The following DDX10 variants were observed in gnomAD, a reference collection of about 807,000 sequenced individuals.
The protein encoded by DDX10 is DEAD-box helicase 10.
In DDX10, 74 loss-of-function variants were observed where a neutral mutation model predicts 104.3. That is an observed-to-expected ratio of 0.71 (90% confidence interval 0.59 to 0.86). The LOEUF (loss-of-function observed/expected upper bound fraction) is 0.86. Among genes scored for constraint, DDX10 ranks in the 40% least tolerant of loss-of-function variants. DDX10 has a pLI of 0.00. For synonymous variants in DDX10, 351 were observed against 353.4 expected, an observed-to-expected ratio of 0.99 and a Z score of 0.08; for missense variants, 952 against 1,040.0, an observed-to-expected ratio of 0.92 and a Z score of 1.16.
At chr11:108,934,597 A>G (rs1864013811) in intron 17 of DDX10, among the ~76,000 whole-genome samples, 2 of 152,204 alleles carry the variant, frequency 1.3e-5, no homozygotes, top group African/African-American at 2.4e-5. Flanking sequence ...GAAACTGGGA[A>G]GGTACAATCA....
At chr11:108,915,393 T>C (rs1565317598) in intron 16 of DDX10, among the ~76,000 whole-genome samples, 1 of 152,088 alleles carries the variant, frequency 6.6e-6, no homozygotes, top group Non-Finnish European at 1.5e-5. Flanking sequence ...CTTTGGAAAA[T>C]TTGTAACCAC....
intron 16 of DDX10, among the ~76,000 whole-genome samples, chr11:108,852,559 A>G (rs1357570477): frequency 6.6e-6 from 1 of 152,206 alleles, no homozygotes; most frequent in Non-Finnish European, 1.5e-5. Context: ...TAGGATTTTC[A>G]TCTGTATCAT....
chr11:108,764,116 T>C (rs1030005328), intron 13 of DDX10, among the ~76,000 whole-genome samples: 15 of 152,202 alleles, frequency 9.9e-5, no homozygotes, highest in African/African-American at 3.6e-4. Context: ...GTATATATTG[T>C]GTTAGATAGC....
rs372328359 is a variant in DDX10 at position 108,678,202 on chromosome 11, A to T, written c.538-113A>T. 2.9e-6 allele frequency: 3 copies of T among 1,039,550 alleles called. No homozygotes were observed. The African/African-American group carries it at 4.9e-5, about 17-fold the overall frequency. The allele number at this position is 1,039,550 out of a possible 1,614,324, so 64.4% of individuals were successfully genotyped here. ...AAGGGAAAAGTTATGTTTATTTCCA[A>T]GAGTATCTAAAATGTTGTGATGAAA... On this transcript the variant is annotated intron_variant, in intron 4 of 17. Coordinates refer to ENST00000322536, the MANE Select transcript of DDX10 (RefSeq NM_004398.4).
At position 108,679,544 on chromosome 11, in the gene DDX10, G is replaced by A; in HGVS notation, c.832G>A (p.Glu278Lys). 1.2e-6 allele frequency: 2 copies of A among 1,600,906 alleles called. No homozygotes were observed. The highest frequency in any genetic ancestry group is 1.8e-5 in the Admixed American group (1 of 55,802). Residue 278 changes from glutamate (E) to lysine (K), a missense_variant, in exon 6 of 18, where the codon GAA becomes AAA. By Grantham distance (56) the Glu-to-Lys change is moderately conservative. Transcript: ENST00000322536. ...LKNPEYVWVH[E>K]KAKYSTPATL... Reference sequence around the variant, plus strand: ...AAACCCTGAGTATGTCTGGGTTCATGAAAAAGCAAAATATAGGTATGTACT... The same window carrying A: ...AAACCCTGAGTATGTCTGGGTTCATAAAAAAGCAAAATATAGGTATGTACT...
intron 17 of DDX10, 90 bp downstream of exon 17, chr11:108,918,108 T>A: frequency 7.6e-7 from 1 of 1,315,742 alleles, no homozygotes; most frequent in Non-Finnish European, 1.1e-6. Flanking sequence ...AGAGTTCTAC[T>A]CCAAGAGATG....
At chr11:108,790,404 T>C (rs1229238741) in intron 13 of DDX10, among the ~76,000 whole-genome samples, 3 of 152,234 alleles carry the variant, frequency 2.0e-5, no homozygotes, top group Non-Finnish European at 4.4e-5. Flanking sequence ...TATGTGCAGA[T>C]AAATAACAAT....
chr11:108,903,860 T>C (rs1387741974), intron 16 of DDX10, among the ~76,000 whole-genome samples: 1 of 152,166 alleles, frequency 6.6e-6, no homozygotes, highest in African/African-American at 2.4e-5. Flanking sequence ...TTTCTGACTG[T>C]TATAAATAAT....
chr11:108,705,195 CTT>C (rs1319392724), intron 9 of DDX10, among the ~76,000 whole-genome samples: 2 of 152,152 alleles, frequency 1.3e-5, no homozygotes, highest in Non-Finnish European at 2.9e-5. Context: ...CTTATTCACT[CTT>C]TAATACATTT....
intron 13 of DDX10, among the ~76,000 whole-genome samples, chr11:108,808,130 A>G (rs995512569): frequency 1.3e-5 from 2 of 152,182 alleles, no homozygotes; most frequent in African/African-American, 2.4e-5. Context: ...GGAGAAAACT[A>G]TTTTTACAAA....
At chr11:108,817,322 A>G (rs138036574) in intron 13 of DDX10, among the ~76,000 whole-genome samples, 1 of 152,102 alleles carries the variant, frequency 6.6e-6, no homozygotes, top group East Asian at 1.9e-4. Flanking sequence ...AGTCATCCTG[A>G]ATTTTTTGTT....
At chr11:108,695,811 C>G (rs930800305) in intron 9 of DDX10, among the ~76,000 whole-genome samples, 7 of 147,254 alleles carry the variant, frequency 4.8e-5, no homozygotes, top group African/African-American at 1.8e-4. Flanking sequence ...TGTGGGCCAT[C>G]TTTAAACGTG....
intron 13 of DDX10, among the ~76,000 whole-genome samples, chr11:108,784,054 T>G (rs1861749154): frequency 6.6e-6 from 1 of 152,214 alleles, no homozygotes; most frequent in Non-Finnish European, 1.5e-5. Flanking sequence ...AGTTCATCAT[T>G]GAAGGGCACC....
At chr11:108,798,745 G>A (rs1861979855) in intron 13 of DDX10, among the ~76,000 whole-genome samples, 1 of 152,142 alleles carries the variant, frequency 6.6e-6, no homozygotes, top group Non-Finnish European at 1.5e-5. Context: ...ATTACTACAG[G>A]TTGCAGGGTG....
Position 108,716,048 on chromosome 11 carries a change from G to A in DDX10, c.1410+82G>A, listed in dbSNP as rs576928760. ...ATTTTCTGCTACTTCTAGGTTGCAT[G>A]TTTATGCTTCAGATATTCAAGCAGT... On this transcript the variant is annotated intron_variant, in intron 11 of 17. Transcript: ENST00000322536. 6.5e-5 allele frequency: 51 copies of A among 783,754 alleles called. No individual in the cohort carries two copies. In the South Asian group the frequency reaches 7.0e-4, roughly 11 times the overall value. The allele number at this position is 783,754 out of a possible 1,614,324, so 48.5% of individuals were successfully genotyped here.
At chr11:108,899,137 A>G (rs181222746) in intron 16 of DDX10, among the ~76,000 whole-genome samples, 18 of 151,964 alleles carry the variant, frequency 1.2e-4, no homozygotes, top group Non-Finnish European at 2.2e-4. Context: ...TCACTTTTCA[A>G]CTGCCTGTAG....
intron 7 of DDX10, chr11:108,690,640 T>C (rs1211176098): frequency 6.4e-6 from 1 of 156,766 alleles, no homozygotes; most frequent in Non-Finnish European, 1.4e-5. Context: ...GCAACATGCC[T>C]TGAATCCAGT....
intron 6 of DDX10, among the ~76,000 whole-genome samples, chr11:108,684,428 C>T (rs1356874788): frequency 7.1e-6 from 1 of 139,960 alleles, no homozygotes; most frequent in African/African-American, 2.6e-5. Flanking sequence ...TCAATTCCCA[C>T]CTATGAGTGA....
At chr11:108,909,915 C>G (rs988957881) in intron 16 of DDX10, among the ~76,000 whole-genome samples, 8 of 152,036 alleles carry the variant, frequency 5.3e-5, no homozygotes, top group Admixed American at 1.3e-4. Context: ...TGACTAGTGC[C>G]GGTATCTGAA....
Sources: allele counts gnomAD v4.1 joint callset (sites outside exome capture counted in the v4.1 genomes callset), GRCh38; gene constraint gnomAD v4.1.1; transcripts MANE v1.5; gene names NCBI Gene and HGNC (gene_info 2026-07-23, HGNC 2026-07-21).